The following ADAM32 variants were observed in gnomAD, a reference collection of about 807,000 sequenced individuals.
ADAM32 encodes the protein ADAM metallopeptidase domain 32.
In ADAM32, 89 loss-of-function variants were observed where a neutral mutation model predicts 114.9. The observed-to-expected ratio is 0.77, with a 90% CI of 0.65 to 0.92. The LOEUF (loss-of-function observed/expected upper bound fraction) is 0.92. ADAM32 is among the 40% of genes least tolerant of loss of function. ADAM32 has a pLI of 0.00. For missense variants in ADAM32, 870 were observed against 932.8 expected, an observed-to-expected ratio of 0.93 and a Z score of 0.88; for synonymous variants, 285 against 307.5, an observed-to-expected ratio of 0.93 and a Z score of 0.77.
chr8:39,143,621 G>A (rs1803316098), intron 3 of ADAM32, among the ~76,000 whole-genome samples: 1 of 152,134 alleles, frequency 6.6e-6, no homozygotes, highest in Non-Finnish European at 1.5e-5. Context: ...TGAGGTGTCT[G>A]TCGACCCCTA....
intron 3 of ADAM32, among the ~76,000 whole-genome samples, chr8:39,140,617 T>A (rs1217452622): frequency 6.6e-6 from 1 of 152,202 alleles, no homozygotes; most frequent in African/African-American, 2.4e-5. Context: ...AAATTCTCTT[T>A]TTTGTGTGTG....
At chr8:39,134,731 A>G (rs1346059471) in intron 2 of ADAM32, among the ~76,000 whole-genome samples, 1 of 152,332 alleles carries the variant, frequency 6.6e-6, no homozygotes, top group African/African-American at 2.4e-5. Context: ...AAGGTATTTC[A>G]TGATAACTCC....
intron 2 of ADAM32, among the ~76,000 whole-genome samples, chr8:39,131,222 C>T (rs1802436343): frequency 6.6e-6 from 1 of 152,122 alleles, no homozygotes; most frequent in African/African-American, 2.4e-5. Flanking sequence ...TCCTAAAGTG[C>T]TGGGATTACA....
At chr8:39,272,645 G>T (rs1173368260) in intron 20 of ADAM32, among the ~76,000 whole-genome samples, 1 of 152,160 alleles carries the variant, frequency 6.6e-6, no homozygotes, top group African/African-American at 2.4e-5. Context: ...GAACTTGCAG[G>T]ACTGGAAGTT....
intron 16 of ADAM32, among the ~76,000 whole-genome samples, chr8:39,244,049 C>A (rs952635776): frequency 1.1e-4 from 17 of 151,914 alleles, no homozygotes; most frequent in African/African-American, 4.1e-4. Context: ...TGCAACAAAA[C>A]CCCCCAATAT....
At chr8:39,281,801 T>C (rs1353606797) in intron 23 of ADAM32, among the ~76,000 whole-genome samples, 1 of 152,104 alleles carries the variant, frequency 6.6e-6, no homozygotes, top group Non-Finnish European at 1.5e-5. Context: ...CATTGTAGAG[T>C]TTTCATTTTC....
chr8:39,132,487 A>AT (rs1301114875), intron 2 of ADAM32, among the ~76,000 whole-genome samples: 2 of 152,164 alleles, frequency 1.3e-5, no homozygotes, highest in East Asian at 3.9e-4. Flanking sequence ...TTACATCCAT[A>AT]TTTTTTAAAC....
chr8:39,118,552 A>C (rs1840469476), intron 2 of ADAM32, among the ~76,000 whole-genome samples: 1 of 152,202 alleles, frequency 6.6e-6, no homozygotes, highest in African/African-American at 2.4e-5. Flanking sequence ...GACGAGAAGA[A>C]ACATTTCATT....
chr8:39,135,872 A>C (rs1802770966), intron 2 of ADAM32, among the ~76,000 whole-genome samples: 1 of 152,170 alleles, frequency 6.6e-6, no homozygotes, highest in Non-Finnish European at 1.5e-5. Flanking sequence ...AAGTTGAGTT[A>C]TCACCAATAA....
intron 6 of ADAM32, chr8:39,157,863 C>T (rs1458179630): frequency 1.2e-5 from 7 of 560,986 alleles, no homozygotes; most frequent in Non-Finnish European, 2.3e-5. Context: ...GATGAAGTAG[C>T]CCTGACTGAT....
chr8:39,272,043 G>A (rs1481641708), intron 20 of ADAM32, among the ~76,000 whole-genome samples: 3 of 147,244 alleles, frequency 2.0e-5, no homozygotes, highest in African/African-American at 7.5e-5. Flanking sequence ...GAGGTGGGAG[G>A]ATTCATTTAG....
At chr8:39,246,626 AG>A (rs1810944239) in intron 17 of ADAM32, among the ~76,000 whole-genome samples, 1 of 152,210 alleles carries the variant, frequency 6.6e-6, no homozygotes, top group African/African-American at 2.4e-5. Context: ...CATCTTACAG[AG>A]GCACAATCTT....
At chr8:39,269,627 T>G (rs1812583723) in intron 19 of ADAM32, among the ~76,000 whole-genome samples, 1 of 152,234 alleles carries the variant, frequency 6.6e-6, no homozygotes, top group Non-Finnish European at 1.5e-5. Context: ...ATTAAAGCGT[T>G]TTTAAAGCAA....
At chr8:39,223,262 A>G in intron 14 of ADAM32, 24 bp downstream of exon 14, 1 of 1,479,810 alleles carries the variant, frequency 6.8e-7, no homozygotes, top group Non-Finnish European at 9.1e-7. Flanking sequence ...GTTACATCTC[A>G]ATAGCCCTTA....
intron 10 of ADAM32, among the ~76,000 whole-genome samples, chr8:39,180,122 C>T (rs570259238): frequency 5.3e-5 from 8 of 152,278 alleles, no homozygotes; most frequent in East Asian, 1.9e-4. Context: ...GAGGGAGAGG[C>T]GCGAGTGGGA....
chr8:39,275,991 T>A, intron 22 of ADAM32, 125 bp downstream of exon 22: 1 of 839,814 alleles, frequency 1.2e-6, no homozygotes, highest in Non-Finnish European at 1.8e-6. Flanking sequence ...TAAAGTACTG[T>A]ACCTTAAAAC....
chr8:39,139,494 G>A (rs905754814), intron 3 of ADAM32, among the ~76,000 whole-genome samples: 17 of 152,094 alleles, frequency 1.1e-4, no homozygotes, highest in Admixed American at 5.2e-4. Flanking sequence ...TAGATGTGTG[G>A]TGTTATTTCT....
chr8:39,120,356 G>A (rs1470532408), intron 2 of ADAM32, among the ~76,000 whole-genome samples: 2 of 152,156 alleles, frequency 1.3e-5, no homozygotes, highest in Non-Finnish European at 2.9e-5. Context: ...GATGCTAAAG[G>A]TAATTCTAAT....
At chr8:39,191,964 C>T (rs7000543) in intron 11 of ADAM32, among the ~76,000 whole-genome samples, 18 of 151,840 alleles carry the variant, frequency 1.2e-4, no homozygotes, top group African/African-American at 2.4e-4. Flanking sequence ...GAATGGTACC[C>T]GGTCTTCTTT....
Sources: gnomAD v4.1 joint callset for allele counts (sites outside exome capture counted in the v4.1 genomes callset) on GRCh38, gnomAD v4.1.1 for gene constraint, MANE v1.5 for transcripts, NCBI Gene and HGNC (gene_info 2026-07-23, HGNC 2026-07-21) for gene names.